The following NEK1 variants were observed in gnomAD, a reference collection of about 807,000 sequenced individuals.
NEK1 encodes serine/threonine-protein kinase Nek1.
A neutral mutation model predicts 182.1 loss-of-function variants in NEK1; 137 were observed. The observed-to-expected ratio is 0.75, with a 90% CI of 0.65 to 0.87. The LOEUF is 0.87. Among genes scored for constraint, NEK1 ranks in the 40% least tolerant of loss-of-function variants. NEK1 has a pLI of 0.00. For synonymous variants in NEK1, 513 were observed against 492.2 expected (o/e 1.04, Z -0.56); for missense variants, 1,391 against 1,494.4 (o/e 0.93, Z 1.14).
At chr4:169,435,348 T>C (rs146752286) in intron 28 of NEK1, among the ~76,000 whole-genome samples, 44 of 152,288 alleles carry the variant, frequency 2.9e-4, no homozygotes, top group African/African-American at 1.1e-3. Context: ...TCCAATACCA[T>C]TACATCAGGG....
rs569911753 is a variant in NEK1, at chr4:169,588,095, C to T, written c.552-482G>A. 7.9e-5 allele frequency among the ~76,000 whole-genome samples: 12 copies of T among 152,144 alleles called. No individual in the cohort carries two copies. In the South Asian group the frequency reaches 1.5e-3, roughly 18 times the overall value. Reference sequence around the variant, plus strand: ...TAATGGTAGAATTGCTCTTTCTACGCACATATTATATAGTCTGCTAGCCAG... The same window carrying T: ...TAATGGTAGAATTGCTCTTTCTACGTACATATTATATAGTCTGCTAGCCAG... On this transcript the variant is annotated intron_variant, in intron 8 of 35. Transcript: ENST00000507142.
chr4:169,457,796 G>T (rs945863365), intron 27 of NEK1, among the ~76,000 whole-genome samples: 1 of 151,298 alleles, frequency 6.6e-6, no homozygotes, highest in Admixed American at 6.6e-5. Context: ...CAAGAGTACT[G>T]TCCTAAAATT....
At chr4:169,413,734 T>C (rs138333278) in intron 31 of NEK1, among the ~76,000 whole-genome samples, 117 of 152,288 alleles carry the variant, frequency 7.7e-4, no homozygotes, top group African/African-American at 2.8e-3. Context: ...ACAGTATTAA[T>C]GGCCAGGTGC....
intron 19 of NEK1, among the ~76,000 whole-genome samples, chr4:169,534,097 T>C (rs915022456): frequency 6.6e-6 from 1 of 152,264 alleles, no homozygotes; most frequent in Non-Finnish European, 1.5e-5. Flanking sequence ...TAAAGTTCTA[T>C]GGAAAATAAA....
intron 13 of NEK1, 122 bp downstream of exon 13, chr4:169,562,015 A>G (rs942773373): frequency 9.3e-7 from 1 of 1,071,954 alleles, no homozygotes; most frequent in Admixed American, 3.0e-5. Context: ...AAAAAAAAAG[A>G]AGTTATAGGT....
chr4:169,445,572 C>T (rs1352305174), intron 27 of NEK1, among the ~76,000 whole-genome samples: 1 of 151,840 alleles, frequency 6.6e-6, no homozygotes, highest in East Asian at 1.9e-4. Context: ...AACTCAGAAA[C>T]AGAAAATCAA....
chr4:169,497,961 G>T (rs13435313), intron 23 of NEK1, among the ~76,000 whole-genome samples: 24,578 of 151,966 alleles, frequency 0.16, 2,488 homozygotes, highest in South Asian at 0.31. Context: ...GGATATCCTT[G>T]TTAACTTTCT....
At chr4:169,397,808 G>A (rs551356723) in intron 35 of NEK1, among the ~76,000 whole-genome samples, 3 of 152,302 alleles carry the variant, frequency 2.0e-5, no homozygotes, top group Admixed American at 1.3e-4. Context: ...TGAATAAGTT[G>A]ATTGTTACAG....
chr4:169,508,946 G>T, intron 19 of NEK1, 94 bp from the exon 20 acceptor site: 1 of 996,984 alleles, frequency 1.0e-6, no homozygotes, highest in Non-Finnish European at 1.5e-6. Context: ...ATTTCTTTTG[G>T]CAAATACTGA....
intron 29 of NEK1, among the ~76,000 whole-genome samples, chr4:169,430,244 G>A (rs531958711): frequency 1.1e-4 from 17 of 152,050 alleles, no homozygotes; most frequent in East Asian, 7.7e-4. Context: ...GTACAGTGGC[G>A]CAATCTTGGC....
intron 12 of NEK1, among the ~76,000 whole-genome samples, chr4:169,571,450 G>A (rs917640644): frequency 6.6e-6 from 1 of 151,930 alleles, no homozygotes; most frequent in African/African-American, 2.4e-5. Context: ...AAACAAAGCA[G>A]AGTAAAGTAG....
intron 18 of NEK1, among the ~76,000 whole-genome samples, chr4:169,538,382 T>G (rs950086105): frequency 6.6e-6 from 1 of 152,170 alleles, no homozygotes; most frequent in South Asian, 2.1e-4. Context: ...TAAAAAGCTA[T>G]GTTTGAATTC....
intron 16 of NEK1, among the ~76,000 whole-genome samples, chr4:169,558,701 T>C (rs1449342362): frequency 6.6e-6 from 1 of 152,190 alleles, no homozygotes; most frequent in Non-Finnish European, 1.5e-5. Context: ...GTGGAATATA[T>C]AATTTTTCTA....
At chr4:169,560,838 G>A (rs746019731) in intron 16 of NEK1, among the ~76,000 whole-genome samples, 8 of 151,058 alleles carry the variant, frequency 5.3e-5, no homozygotes, top group Non-Finnish European at 1.2e-4. Context: ...TCAGTAATGT[G>A]CCCAAGGTTA....
At chr4:169,603,505 T>C (rs898385339) in intron 2 of NEK1, among the ~76,000 whole-genome samples, 3 of 152,162 alleles carry the variant, frequency 2.0e-5, no homozygotes, top group Admixed American at 6.5e-5. Context: ...TGAATAACCA[T>C]AGTACATATT....
At chr4:169,483,423 C>T (rs1396579694) in intron 23 of NEK1, among the ~76,000 whole-genome samples, 5 of 152,008 alleles carry the variant, frequency 3.3e-5, no homozygotes, top group African/African-American at 1.2e-4. Context: ...TGCAGGGTTG[C>T]CACAAACCTT....
chr4:169,595,370 T>A (rs1769262737), intron 5 of NEK1, among the ~76,000 whole-genome samples: 1 of 152,226 alleles, frequency 6.6e-6, no homozygotes, highest in Non-Finnish European at 1.5e-5. Flanking sequence ...TATCTAATTC[T>A]CAATTTAGAT....
At chr4:169,422,310 G>T (rs1433807586) in intron 31 of NEK1, among the ~76,000 whole-genome samples, 2 of 152,176 alleles carry the variant, frequency 1.3e-5, no homozygotes, top group Admixed American at 6.5e-5. Flanking sequence ...AGGTAAAGAA[G>T]GATACTGTGC....
chr4:169,610,199 G>A (rs1250955321), intron 2 of NEK1, among the ~76,000 whole-genome samples: 1 of 151,794 alleles, frequency 6.6e-6, no homozygotes, highest in Admixed American at 6.6e-5. Context: ...ACGGGGTTTC[G>A]CCATACTGGC....
Sources: allele counts gnomAD v4.1 joint callset (sites outside exome capture counted in the v4.1 genomes callset), GRCh38; gene constraint gnomAD v4.1.1; transcripts MANE v1.5; gene names NCBI Gene and HGNC (gene_info 2026-07-23, HGNC 2026-07-21).